Variants in CDH13 observed in about 807,000 individuals in gnomAD.
CDH13 encodes cadherin 13, also known as cadherin-13.
A neutral mutation model predicts 63.8 loss-of-function variants in CDH13; 24 were observed. The ratio of observed to expected loss-of-function variants is 0.38; its 90% confidence interval spans 0.27 to 0.53. The LOEUF is 0.53. Among genes scored for constraint, CDH13 ranks in the 20% least tolerant of loss-of-function variants. The pLI is 0.85. For synonymous variants in CDH13, 503 were observed against 355.3 expected, an observed-to-expected ratio of 1.42 and a Z score of -4.67; for missense variants, 1,049 against 903.1, an observed-to-expected ratio of 1.16 and a Z score of -2.07.
At chr16:82,777,973 A>G (rs779934360) in intron 1 of CDH13, among the ~76,000 whole-genome samples, 1 of 152,212 alleles carries the variant, frequency 6.6e-6, no homozygotes, top group African/African-American at 2.4e-5. Context: ...AACAGAAGCC[A>G]CAGTTTTTGA....
intron 5 of CDH13, among the ~76,000 whole-genome samples, chr16:83,257,805 A>T (rs1906477702): frequency 1.3e-5 from 2 of 152,180 alleles, no homozygotes; most frequent in African/African-American, 4.8e-5. Flanking sequence ...TGCTGGGTTG[A>T]ACGCTATTTG....
intron 5 of CDH13, among the ~76,000 whole-genome samples, chr16:83,330,655 T>G (rs1318196965): frequency 1.3e-5 from 2 of 152,176 alleles, no homozygotes; most frequent in Non-Finnish European, 2.9e-5. Context: ...AACTCAGTAC[T>G]GAATCCCCAG....
intron 2 of CDH13, among the ~76,000 whole-genome samples, chr16:82,882,341 T>G (rs1333696117): frequency 1.3e-5 from 2 of 152,168 alleles, no homozygotes; most frequent in Non-Finnish European, 2.9e-5. Context: ...AGACCAGGCA[T>G]GAAGAGTCAC....
At chr16:82,709,150 C>T (rs1055381486) in intron 1 of CDH13, among the ~76,000 whole-genome samples, 5 of 152,258 alleles carry the variant, frequency 3.3e-5, no homozygotes, top group African/African-American at 7.2e-5. Context: ...CAGTTTTCCA[C>T]GAATGAAGAT....
chr16:82,681,540 C>G (rs1032262817), intron 1 of CDH13, among the ~76,000 whole-genome samples: 2 of 152,230 alleles, frequency 1.3e-5, no homozygotes, highest in African/African-American at 4.8e-5. Flanking sequence ...GAATTTTTCT[C>G]TCATAATGTT....
At chr16:83,523,947 G>C (rs1056092514) in intron 7 of CDH13, among the ~76,000 whole-genome samples, 7 of 152,210 alleles carry the variant, frequency 4.6e-5, no homozygotes, top group Non-Finnish European at 7.3e-5. Flanking sequence ...CCCAGATGGA[G>C]AGCGTCCTGG....
intron 4 of CDH13, among the ~76,000 whole-genome samples, chr16:83,207,874 G>A (rs1170287280): frequency 2.0e-5 from 3 of 151,934 alleles, no homozygotes; most frequent in African/African-American, 7.3e-5. Context: ...TTAGAGCTCA[G>A]TTTAAGTTAG....
intron 2 of CDH13, among the ~76,000 whole-genome samples, chr16:82,994,190 A>G (rs146928666): frequency 6.6e-6 from 1 of 151,970 alleles, no homozygotes; most frequent in East Asian, 1.9e-4. Flanking sequence ...CAGCAGCTGC[A>G]CCTCAGAACC....
intron 3 of CDH13, among the ~76,000 whole-genome samples, chr16:83,123,520 C>G (rs1467980769): frequency 1.3e-5 from 2 of 152,088 alleles, no homozygotes; most frequent in African/African-American, 4.8e-5. Context: ...CTCAGGTTAT[C>G]CACCCTCCTC....
At position 83,095,343 on chromosome 16, in the gene CDH13, A is replaced by T. The variant is rs76685632; in HGVS notation, c.367-30042A>T. On this transcript the variant is annotated intron_variant, in intron 3 of 13. Transcript: ENST00000567109. ...ATGATCCATTCCAGGTACGGACAAA[A>T]AAAGATAAATAAAACAACAAAAAAC... 1.8e-3 allele frequency among the ~76,000 whole-genome samples: 281 copies of T among 152,316 alleles called. 1 individual carries two copies. Among genetic ancestry groups the T allele is most frequent in the African/African-American group, 6.6e-3 (275 of 41,574 alleles).
At chr16:83,522,650 C>T (rs2074867642) in intron 7 of CDH13, among the ~76,000 whole-genome samples, 1 of 152,200 alleles carries the variant, frequency 6.6e-6, no homozygotes. Flanking sequence ...GGTTCTTAAA[C>T]ACCTGCAGCG....
intron 5 of CDH13, among the ~76,000 whole-genome samples, chr16:83,306,781 G>A (rs2089890743): frequency 6.6e-6 from 1 of 152,130 alleles, no homozygotes; most frequent in African/African-American, 2.4e-5. Flanking sequence ...GTATCCCACA[G>A]AAACTGGGAA....
At chr16:83,588,755 T>C (rs1437148336) in intron 7 of CDH13, among the ~76,000 whole-genome samples, 2 of 152,200 alleles carry the variant, frequency 1.3e-5, no homozygotes, top group African/African-American at 4.8e-5. Context: ...ACATCACACT[T>C]CAAAGGATTG....
chr16:83,363,406 A>C (rs529148140), intron 6 of CDH13, among the ~76,000 whole-genome samples: 185 of 152,364 alleles, frequency 1.2e-3, no homozygotes, highest in Non-Finnish European at 5.7e-4. Context: ...ATTGTGGGCT[A>C]GGGAGGAAGG....
At chr16:83,354,602 C>T (rs1035855662) in intron 6 of CDH13, among the ~76,000 whole-genome samples, 4 of 152,104 alleles carry the variant, frequency 2.6e-5, no homozygotes, top group Non-Finnish European at 4.4e-5. Context: ...CAAGAAAAGT[C>T]CTCTCTAAAG....
chr16:82,698,454 A>G (rs1456178624), intron 1 of CDH13, among the ~76,000 whole-genome samples: 1 of 152,258 alleles, frequency 6.6e-6, no homozygotes, highest in East Asian at 1.9e-4. Flanking sequence ...AGCAGTGCTC[A>G]CTGCCCATGC....
chr16:83,413,574 G>A (rs1029955152), intron 6 of CDH13, among the ~76,000 whole-genome samples: 3 of 152,168 alleles, frequency 2.0e-5, no homozygotes, highest in African/African-American at 7.2e-5. Flanking sequence ...TTACAGTCAA[G>A]ATTATTAAAA....
chr16:83,625,967 A>G (rs890964320), intron 8 of CDH13, among the ~76,000 whole-genome samples: 1 of 151,956 alleles, frequency 6.6e-6, no homozygotes, highest in Non-Finnish European at 1.5e-5. Context: ...CCGATGCAGC[A>G]AGCAACACTG....
chr16:83,343,902 C>T (rs762338691), intron 5 of CDH13, among the ~76,000 whole-genome samples: 3 of 152,162 alleles, frequency 2.0e-5, no homozygotes, highest in Non-Finnish European at 4.4e-5. Context: ...TAGTATAGAG[C>T]TAAAGTAAGC....
Sources: gnomAD v4.1 joint callset for allele counts (sites outside exome capture counted in the v4.1 genomes callset) on GRCh38, gnomAD v4.1.1 for gene constraint, MANE v1.5 for transcripts, NCBI Gene and HGNC (gene_info 2026-07-23, HGNC 2026-07-21) for gene names.